Variants in DERA observed in about 807,000 individuals in gnomAD.
The protein encoded by DERA is deoxyribose-phosphate aldolase.
Under a neutral mutation model 41.1 loss-of-function variants are expected in DERA, and 15 were observed. The ratio of observed to expected loss-of-function variants is 0.37; its 90% CI spans 0.24 to 0.56. The LOEUF is 0.56. Ranked by LOEUF, DERA falls within the 20% of genes least tolerant of loss-of-function variation. The pLI is 0.81. For missense variants in DERA, 396 were observed against 403.4 expected, an observed-to-expected ratio of 0.98 and a Z score of 0.16; for synonymous variants, 139 against 137.4, an observed-to-expected ratio of 1.01 and a Z score of -0.08.
intron 1 of DERA, among the ~76,000 whole-genome samples, chr12:15,937,640 T>C (rs1276595410): frequency 2.6e-5 from 4 of 152,142 alleles, no homozygotes; most frequent in Non-Finnish European, 5.9e-5. Context: ...GATTCTTATG[T>C]TGTTAAATTA....
rs779670957 is a variant in DERA, at chr12:16,014,881, G to A, written c.638-17661G>A. ...CATTGGAACCCACCTCTGCATCAGC[G>A]TGACCTTGATATGAGACATGGAGTC... On this transcript the variant is annotated intron_variant, in intron 6 of 8. Coordinates refer to ENST00000428559, the MANE Select transcript of DERA (RefSeq NM_015954.4). This position sits in a 1 kb window ranked among gnomAD's most constrained non-coding sequence, Gnocchi z 5.4. Among the ~76,000 whole-genome samples the A allele has an allele frequency of 2.6e-5, 4 of 152,206 alleles. No homozygotes were observed. Among genetic ancestry groups the A allele is most frequent in the East Asian group, 1.9e-4 (1 of 5,184 alleles).
At chr12:15,997,528 G>A (rs191467587) in intron 6 of DERA, among the ~76,000 whole-genome samples, 1 of 152,282 alleles carries the variant, frequency 6.6e-6, no homozygotes, top group East Asian at 1.9e-4. Context: ...GAGTTAGGGG[G>A]CGTTCTTGAA....
At chr12:16,024,350 A>G (rs1330168867) in intron 6 of DERA, among the ~76,000 whole-genome samples, 1 of 152,212 alleles carries the variant, frequency 6.6e-6, no homozygotes, top group Non-Finnish European at 1.5e-5. Context: ...ACCTAGACAT[A>G]TTATAGTCAA....
At position 16,026,222 on chromosome 12, in the gene DERA, A is replaced by AT. The variant is rs914814550; in HGVS notation, c.638-6309dup. ...AATTGAAAACAAAAACAACAGAGAAATTTTTTTTTTTAAATATCCTAAAAG... is the reference window on the plus strand; with the variant it reads ...AATTGAAAACAAAAACAACAGAGAAATTTTTTTTTTTTAAATATCCTAAAAG... On this transcript the variant is annotated intron_variant, in intron 6 of 8. Coordinates refer to ENST00000428559, the MANE Select transcript of DERA (RefSeq NM_015954.4). The surrounding 1 kb of genome is among the most constrained non-coding windows in gnomAD (Gnocchi z 4.4). 6.7e-4 allele frequency among the ~76,000 whole-genome samples: 100 copies of AT among 149,428 alleles called. 2 individuals carry two copies. The highest frequency in any genetic ancestry group is 1.7e-3 in the South Asian group (8 of 4,714).
chr12:15,924,781 G>T lies in DERA; in HGVS notation c.31+13367G>T, dbSNP rs1033805592. Among the ~76,000 whole-genome samples the T allele has an allele frequency of 6.6e-6, 1 of 152,102 alleles. No individual in the cohort carries two copies. Among genetic ancestry groups the T allele is most frequent in the African/African-American group, 2.4e-5 (1 of 41,414 alleles). On this transcript the variant is annotated intron_variant, in intron 1 of 8. Transcript: ENST00000428559. This position sits in a 1 kb window ranked among gnomAD's most constrained non-coding sequence, Gnocchi z 5.0. ...TCACCTCCTCCCTGAAGGCTTACTT[G>T]GTCTCCTCTGCTAGACTTTTCAACA...
At chr12:15,952,055 C>T (rs1399343343) in intron 1 of DERA, among the ~76,000 whole-genome samples, 1 of 152,152 alleles carries the variant, frequency 6.6e-6, no homozygotes, top group Non-Finnish European at 1.5e-5. Flanking sequence ...CTTGCACCAC[C>T]ATGCCCAGCT....
Position 16,011,577 on chromosome 12 carries a change from TAAAAG to T in DERA, c.638-20958_638-20954del, listed in dbSNP as rs925988809. ...TTTCCCCCTTCCCTCTCAGCAAAAGTAAAAGAAAAGAGAATGTGTTAGATACGATT... is the reference window on the plus strand; with the variant it reads ...TTTCCCCCTTCCCTCTCAGCAAAAGTAAAAGAGAATGTGTTAGATACGATT... On this transcript the variant is annotated intron_variant, in intron 6 of 8. Transcript: ENST00000428559. The surrounding 1 kb of genome is among the most constrained non-coding windows in gnomAD (Gnocchi z 4.7). Among the ~76,000 whole-genome samples, 4 of 152,112 alleles carry T rather than the reference TAAAAG, an allele frequency of 2.6e-5. No individual in the cohort carries two copies. Among genetic ancestry groups the T allele is most frequent in the African/African-American group, 7.2e-5 (3 of 41,420 alleles).
chr12:15,929,080 C>T (rs978533995), intron 1 of DERA, among the ~76,000 whole-genome samples: 6 of 152,288 alleles, frequency 3.9e-5, no homozygotes, highest in South Asian at 2.1e-4. Flanking sequence ...GGAGCAGAGG[C>T]GGGAAGCTTG....
chr12:15,970,718 G>A lies in DERA; in HGVS notation c.508+7771G>A, dbSNP rs1948653907. On this transcript the variant is annotated intron_variant, in intron 5 of 8. Coordinates refer to ENST00000428559, the MANE Select transcript of DERA (RefSeq NM_015954.4). The surrounding 1 kb of genome is among the most constrained non-coding windows in gnomAD (Gnocchi z 4.3). ...TCTCTCTTTTCAGACTGTTCAAGAT[G>A]TACACATGTACTTGGTATATCTGTA... Among the ~76,000 whole-genome samples, 2 of 152,014 alleles carry A rather than the reference G, an allele frequency of 1.3e-5. No individual in the cohort carries two copies. The highest frequency in any genetic ancestry group is 4.8e-5 in the African/African-American group (2 of 41,350).
intron 1 of DERA, among the ~76,000 whole-genome samples, chr12:15,926,227 A>G (rs1360952419): frequency 3.3e-5 from 5 of 151,334 alleles, no homozygotes; most frequent in East Asian, 1.9e-4. Context: ...AAGTCTTGCT[A>G]TGTTGCCAAG....
At chr12:15,952,295 G>C (rs1948504177) in intron 1 of DERA, among the ~76,000 whole-genome samples, 1 of 152,126 alleles carries the variant, frequency 6.6e-6, no homozygotes, top group African/African-American at 2.4e-5. Context: ...ATTTCCAACA[G>C]TGCTGCCACA....
At chr12:15,937,823 G>T (rs934477390) in intron 1 of DERA, among the ~76,000 whole-genome samples, 1 of 152,054 alleles carries the variant, frequency 6.6e-6, no homozygotes, top group African/African-American at 2.4e-5. Context: ...CTTTATTCTG[G>T]TGTATCAGGG....
Position 15,970,088 on chromosome 12 carries a change from T to C in DERA, c.508+7141T>C, listed in dbSNP as rs1948649861. On this transcript the variant is annotated intron_variant, in intron 5 of 8. Transcript: ENST00000428559. This position sits in a 1 kb window ranked among gnomAD's most constrained non-coding sequence, Gnocchi z 4.3. ...TCTGCCTTAGTCTTACAAGATTAATTAGTTGCTTTGGTGGATGAAACTGTG... is the reference window on the plus strand; with the variant it reads ...TCTGCCTTAGTCTTACAAGATTAATCAGTTGCTTTGGTGGATGAAACTGTG... 6.6e-6 allele frequency among the ~76,000 whole-genome samples: 1 copy of C among 152,230 alleles called. No homozygotes were observed. The highest frequency in any genetic ancestry group is 1.5e-5 in the Non-Finnish European group (1 of 68,024).
chr12:16,002,061 G>T (rs2136173647), intron 6 of DERA, among the ~76,000 whole-genome samples: 1 of 151,994 alleles, frequency 6.6e-6, no homozygotes, highest in African/African-American at 2.4e-5. Context: ...GTATACATGT[G>T]CCATGTTGGT....
intron 3 of DERA, 100 bp downstream of exon 3, chr12:15,958,435 T>A (rs1948557754): frequency 4.5e-6 from 4 of 893,104 alleles, no homozygotes; most frequent in Non-Finnish European, 6.3e-6. Flanking sequence ...ATAGCGGTGA[T>A]AGAATCCATG....
chr12:15,919,969 A>AGT (rs1180894403), intron 1 of DERA, among the ~76,000 whole-genome samples: 24 of 74,878 alleles, frequency 3.2e-4, no homozygotes, highest in Non-Finnish European at 9.4e-5. Flanking sequence ...CTGAGAAAGA[A>AGT]ATGTGTGTGT....
At chr12:15,969,986 A>G (rs971114166) in intron 5 of DERA, among the ~76,000 whole-genome samples, 2 of 152,232 alleles carry the variant, frequency 1.3e-5, no homozygotes, top group African/African-American at 4.8e-5. Context: ...CAATTCTTCA[A>G]AACTTCAGAT....
In DERA at chr12:15,988,157, G is replaced by C. The variant is rs1948777882; in HGVS notation, c.637+5721G>C. On this transcript the variant is annotated intron_variant, in intron 6 of 8. Transcript: ENST00000428559. The surrounding 1 kb of genome is among the most constrained non-coding windows in gnomAD (Gnocchi z 6.0). ...GCATGTCACAGGCCTAGCTGGGGGA[G>C]CCCTGAGTTCTGGGCTCCCAGAAGG... is the stretch of plus-strand genomic sequence containing the variant. 6.6e-6 allele frequency among the ~76,000 whole-genome samples: 1 copy of C among 152,170 alleles called. No homozygotes were observed. Among genetic ancestry groups the C allele is most frequent in the Non-Finnish European group, 1.5e-5 (1 of 68,010 alleles).
intron 6 of DERA, among the ~76,000 whole-genome samples, chr12:16,005,568 A>G (rs1411052379): frequency 1.3e-5 from 2 of 152,236 alleles, no homozygotes; most frequent in Non-Finnish European, 2.9e-5. Context: ...CAATATCTCA[A>G]TCAAAACTTC....
Sources: gnomAD v4.1 joint callset for allele counts (sites outside exome capture counted in the v4.1 genomes callset) on GRCh38, gnomAD v4.1.1 for gene constraint, Gnocchi (gnomAD v3.1) non-coding constraint, MANE v1.5 for transcripts, NCBI Gene and HGNC (gene_info 2026-07-23, HGNC 2026-07-21) for gene names.